C4orf51: variants seen among roughly 807,000 people sequenced by gnomAD.
The protein encoded by C4orf51 is uncharacterized protein C4orf51.
Under a neutral mutation model 25.2 loss-of-function variants are expected in C4orf51, and 25 were observed. The ratio of observed to expected loss-of-function variants is 0.99; its 90% confidence interval spans 0.72 to 1.39. The LOEUF (loss-of-function observed/expected upper bound fraction) is 1.39. Among genes scored for constraint, C4orf51 ranks in the 40% most tolerant of loss-of-function variants. The pLI, the probability that C4orf51 is intolerant of heterozygous loss-of-function variation, is 0.00. For missense variants in C4orf51, 252 were observed against 239.6 expected (o/e 1.05, Z -0.34); for synonymous variants, 100 against 84.5 (o/e 1.18, Z -1.01).
Position 145,739,503 on chromosome 4 carries a change from A to G in C4orf51, n.167+6884A>G, listed in dbSNP as rs374391396. 9.8e-5 allele frequency among the ~76,000 whole-genome samples: 15 copies of G among 152,380 alleles called. No individual in the cohort carries two copies. In the South Asian group the frequency reaches 2.9e-3, roughly 29 times the overall value. ...ATAGCATCTCTGAACAAATGAAGGC[A>G]GGAGATACAAACAAAATCATATTAT... On this transcript the variant is annotated intron_variant and non_coding_transcript_variant, in intron 1 of 1. Coordinates refer to the C4orf51 transcript ENST00000508981.
intron 2 of C4orf51, among the ~76,000 whole-genome samples, chr4:145,703,964 T>C (rs1286053162): frequency 2.6e-5 from 4 of 152,232 alleles, no homozygotes; most frequent in Admixed American, 1.3e-4. Context: ...TTAACATGCA[T>C]CCACGGGAGC....
At position 145,680,246 on chromosome 4, in the gene C4orf51, T is replaced by G; in HGVS notation, c.43T>G (p.Phe15Val). The change falls in exon 1 of 6, where the codon TTT becomes GTT. Residue 15 changes from phenylalanine to valine, a missense_variant. Phe to Val is a conservative substitution (Grantham distance 50). Coordinates refer to ENST00000438731, the MANE Select transcript of C4orf51 (RefSeq NM_001080531.3). ...FYLTPQILLP[F>V]SPLTSQEFDL... The stretch of plus-strand genomic sequence containing the variant: ...CTTGACTCCACAAATTCTTCTGCCC[T>G]TTAGCCCTCTTACTTCTCAAGAGTT... The G allele has an allele frequency of 6.2e-7, 1 of 1,613,982 alleles. No individual in the cohort carries two copies. Among genetic ancestry groups the G allele is most frequent in the Non-Finnish European group, 8.5e-7 (1 of 1,179,844 alleles).
chr4:145,774,251 A>G (rs1736695724), downstream of C4orf51, among the ~76,000 whole-genome samples: 1 of 152,214 alleles, frequency 6.6e-6, no homozygotes, highest in South Asian at 2.1e-4. Flanking sequence ...AGGATGAGCA[A>G]CAAGCAAAGA....
downstream of C4orf51, among the ~76,000 whole-genome samples, chr4:145,775,327 A>G (rs1297412264): frequency 6.6e-6 from 1 of 152,226 alleles, no homozygotes; most frequent in Non-Finnish European, 1.5e-5. Flanking sequence ...TACAGAAATG[A>G]AACATAAAAT....
chr4:145,681,736 G>C (rs1376371097), intron 1 of C4orf51, among the ~76,000 whole-genome samples: 1 of 152,190 alleles, frequency 6.6e-6, no homozygotes, highest in African/African-American at 2.4e-5. Flanking sequence ...ACTTATGATA[G>C]AGAGAGATAC....
rs1484682694 is a variant in C4orf51, at chr4:145,729,939, C to T, written c.475C>T (p.Arg159Ter). Residue 159 changes from arginine to a stop codon, truncating the protein, a stop_gained, in exon 5 of 6, where the codon CGA becomes TGA. Coordinates refer to ENST00000438731, the MANE Select transcript of C4orf51 (RefSeq NM_001080531.3). LOFTEE classifies it low-confidence loss of function (END_TRUNC). ...PAQEALINYS[R>*]RGKGVLKHLH... Reference sequence around the variant, plus strand: ...ACAGGAGGCCCTGATAAACTACAGTCGACGAGGGAAAGGTGTCCTAAAGCA... The same window carrying T: ...ACAGGAGGCCCTGATAAACTACAGTTGACGAGGGAAAGGTGTCCTAAAGCA... 6.2e-6 allele frequency: 10 copies of T among 1,613,726 alleles called. No individual in the cohort carries two copies. The highest frequency in any genetic ancestry group is 1.1e-5 in the South Asian group (1 of 91,072).
chr4:145,775,429 T>C (rs1014613321), downstream of C4orf51, among the ~76,000 whole-genome samples: 4 of 145,076 alleles, frequency 2.8e-5, no homozygotes, highest in African/African-American at 1.1e-4. Context: ...TTCCTCAGCT[T>C]TTTTTTTTTT....
At position 145,727,974 on chromosome 4, in the gene C4orf51, T is replaced by C. The variant is rs1427990915; in HGVS notation, c.366+1005T>C. On this transcript the variant is annotated intron_variant, in intron 3 of 5. Transcript: ENST00000438731. ...TATAATAATATAATATATAATATAA[T>C]ATATACATTATATATAATATATTAT... 2.4e-5 allele frequency among the ~76,000 whole-genome samples: 3 copies of C among 126,980 alleles called. No homozygotes were observed. The East Asian group carries it at 6.7e-4, about 28-fold the overall frequency. The allele number at this position is 126,980 out of a possible 152,430, so 83.3% of individuals were successfully genotyped here.
chr4:145,731,433 A>T (rs1490867677), intron 5 of C4orf51, among the ~76,000 whole-genome samples: 1 of 152,120 alleles, frequency 6.6e-6, no homozygotes, highest in Non-Finnish European at 1.5e-5. Flanking sequence ...GCAATAACAG[A>T]CTAAAAGTAC....
At chr4:145,704,872 A>T (rs1730693452) in intron 2 of C4orf51, among the ~76,000 whole-genome samples, 1 of 152,214 alleles carries the variant, frequency 6.6e-6, no homozygotes, top group Non-Finnish European at 1.5e-5. Flanking sequence ...AGAGAAGGTA[A>T]AGCACACTTG....
At position 145,765,036 on chromosome 4, in the gene C4orf51, T is replaced by C. The variant is rs1210320574; in HGVS notation, n.167-5952T>C. 3 of 1,614,208 alleles carry C rather than the reference T, an allele frequency of 1.9e-6. No individual in the cohort carries two copies. The highest frequency in any genetic ancestry group is 2.5e-6 in the Non-Finnish European group (3 of 1,180,012). The stretch of plus-strand genomic sequence containing the variant: ...GTGGCATTTCTTATGCTCCAGCAGC[T>C]GTTCGGGGGTCTTCATGAACTTGTG... On this transcript the variant is annotated intron_variant and non_coding_transcript_variant, in intron 1 of 1. Coordinates refer to the C4orf51 transcript ENST00000510096. The surrounding 1 kb of genome is among the most constrained non-coding windows in gnomAD (Gnocchi z 4.7).
intron 2 of C4orf51, among the ~76,000 whole-genome samples, chr4:145,716,976 C>T (rs1014950867): frequency 6.6e-6 from 1 of 152,164 alleles, no homozygotes; most frequent in Admixed American, 6.5e-5. Flanking sequence ...AGCTTGAAGA[C>T]AAGTCTGAGC....
Position 145,680,193 on chromosome 4 carries a change from C to A in C4orf51, c.-11C>A, listed in dbSNP as rs771874649. On this transcript the variant is annotated 5_prime_UTR_variant, in exon 1 of 6. Transcript: ENST00000438731. ...TTGACAAGTTGTTTTCCAGAGAGGC[C>A]GTTCGTAGTTATGTCACACTACTTC... 2.5e-6 allele frequency: 4 copies of A among 1,584,508 alleles called. No homozygotes were observed. Among genetic ancestry groups the A allele is most frequent in the East Asian group, 2.2e-5 (1 of 44,752 alleles).
chr4:145,747,838 C>G (rs1733455171), intron 1 of C4orf51, among the ~76,000 whole-genome samples: 1 of 150,224 alleles, frequency 6.7e-6, no homozygotes, highest in South Asian at 2.1e-4. Flanking sequence ...TCTTGTTTTT[C>G]TTTCTTTCAT....
chr4:145,688,454 G>A (rs1388763783), intron 1 of C4orf51, among the ~76,000 whole-genome samples: 4 of 152,200 alleles, frequency 2.6e-5, no homozygotes, highest in Admixed American at 6.5e-5. Context: ...CCTGGTAGGA[G>A]GTGATTGGAT....
chr4:145,730,769 A>G (rs1732413529), intron 5 of C4orf51, among the ~76,000 whole-genome samples: 1 of 152,174 alleles, frequency 6.6e-6, no homozygotes, highest in Non-Finnish European at 1.5e-5. Context: ...TATCACAAGA[A>G]CCACCAGTTA....
intron 1 of C4orf51, among the ~76,000 whole-genome samples, chr4:145,738,287 T>C (rs111689392): frequency 1.3e-5 from 2 of 152,078 alleles, no homozygotes; most frequent in African/African-American, 4.8e-5. Context: ...CCGTCTCTAC[T>C]AAAAACACAA....
At chr4:145,789,849 G>A in the C4orf51 span, among the ~76,000 whole-genome samples, 11 of 152,286 alleles carry the variant, frequency 7.2e-5, no homozygotes, top group African/African-American at 2.4e-4. Context: ...GCTTTATTGA[G>A]GCAACCTAAA....
intron 2 of C4orf51, among the ~76,000 whole-genome samples, chr4:145,700,982 C>CT (rs772865906): frequency 6.6e-6 from 1 of 152,140 alleles, no homozygotes; most frequent in East Asian, 1.9e-4. Flanking sequence ...GTTAATGCTC[C>CT]TTTTTCTTTA....
Sources: gnomAD v4.1 joint callset for allele counts (sites outside exome capture counted in the v4.1 genomes callset) on GRCh38, gnomAD v4.1.1 for gene constraint, Gnocchi (gnomAD v3.1) non-coding constraint, MANE v1.5 for transcripts, NCBI Gene and HGNC (gene_info 2026-07-23, HGNC 2026-07-21) for gene names.